Variants in WWOX observed in about 807,000 individuals in gnomAD.
WWOX encodes WW domain-containing oxidoreductase.
In WWOX, 69 loss-of-function variants were observed where a neutral mutation model predicts 46.2. The ratio of observed to expected loss-of-function variants is 1.49; its 90% CI spans 1.23 to 1.82. The LOEUF is 1.82. Ranked by LOEUF, WWOX falls within the 40% of genes most tolerant of loss-of-function variation. WWOX has a pLI of 0.00. For synonymous variants in WWOX, 359 were observed against 202.6 expected, an observed-to-expected ratio of 1.77 and a Z score of -6.56; for missense variants, 919 against 542.6, an observed-to-expected ratio of 1.69 and a Z score of -6.89.
At chr16:78,385,893 G>A (rs569092983) in intron 5 of WWOX, among the ~76,000 whole-genome samples, 2 of 152,130 alleles carry the variant, frequency 1.3e-5, no homozygotes, top group Admixed American at 6.6e-5. Context: ...ATTTAATCTC[G>A]CACTCCGAAG....
chr16:78,766,908 C>G (rs1002401577), intron 8 of WWOX, among the ~76,000 whole-genome samples: 1 of 152,154 alleles, frequency 6.6e-6, no homozygotes, highest in African/African-American at 2.4e-5. Flanking sequence ...ATATTTTCAT[C>G]ACATCTTTTA....
At chr16:79,145,827 A>G (rs1204040973) in intron 8 of WWOX, among the ~76,000 whole-genome samples, 2 of 152,186 alleles carry the variant, frequency 1.3e-5, no homozygotes, top group Non-Finnish European at 2.9e-5. Context: ...ATAGAAAAAA[A>G]CCCCATTCAA....
intron 8 of WWOX, among the ~76,000 whole-genome samples, chr16:78,492,972 C>T (rs781719566): frequency 2.6e-5 from 4 of 152,148 alleles, no homozygotes; most frequent in Non-Finnish European, 4.4e-5. Flanking sequence ...GTAGTCATTA[C>T]TAATCATCTC....
chr16:78,682,784 T>G (rs1375633517), intron 8 of WWOX, among the ~76,000 whole-genome samples: 1 of 152,218 alleles, frequency 6.6e-6, no homozygotes, highest in Non-Finnish European at 1.5e-5. Flanking sequence ...GAGCCAGTAC[T>G]TCTTGCACCA....
At chr16:78,389,898 G>C (rs1178273094) in intron 6 of WWOX, among the ~76,000 whole-genome samples, 1 of 152,044 alleles carries the variant, frequency 6.6e-6, no homozygotes, top group Non-Finnish European at 1.5e-5. Flanking sequence ...TACAGGTGCA[G>C]GTTACCACAC....
chr16:78,444,212 T>C (rs1395539892), intron 8 of WWOX, among the ~76,000 whole-genome samples: 2 of 152,312 alleles, frequency 1.3e-5, no homozygotes, highest in African/African-American at 4.8e-5. Context: ...GGTTTCCTTC[T>C]TTATGTCTTA....
At chr16:78,611,485 G>C (rs1342424159) in intron 8 of WWOX, among the ~76,000 whole-genome samples, 3 of 152,134 alleles carry the variant, frequency 2.0e-5, no homozygotes, top group Admixed American at 2.0e-4. Flanking sequence ...TGCCTCCCTG[G>C]AGGCCTCCCT....
At chr16:78,108,013 C>T (rs2032258299) in intron 1 of WWOX, among the ~76,000 whole-genome samples, 1 of 151,910 alleles carries the variant, frequency 6.6e-6, no homozygotes, top group Non-Finnish European at 1.5e-5. Context: ...ACTGCAACTT[C>T]TGCTTCCCTG....
chr16:79,166,260 C>G (rs2050592487), intron 8 of WWOX, among the ~76,000 whole-genome samples: 1 of 152,224 alleles, frequency 6.6e-6, no homozygotes, highest in South Asian at 2.1e-4. Context: ...TCCCCTCACT[C>G]CCAACTCAGC....
chr16:78,293,629 A>C (rs1452444061), intron 5 of WWOX, among the ~76,000 whole-genome samples: 2 of 152,016 alleles, frequency 1.3e-5, no homozygotes, highest in African/African-American at 4.8e-5. Context: ...TGATCCGGTC[A>C]ATTCTGGTAG....
At chr16:78,479,044 C>T (rs2084424144) in intron 8 of WWOX, among the ~76,000 whole-genome samples, 1 of 152,090 alleles carries the variant, frequency 6.6e-6, no homozygotes, top group Non-Finnish European at 1.5e-5. Context: ...TTTAGATATC[C>T]AGGCTTCCTA....
chr16:79,004,488 A>T (rs1035751713), intron 8 of WWOX: 1 of 152,280 alleles, frequency 6.6e-6, no homozygotes, highest in Non-Finnish European at 1.5e-5. Flanking sequence ...GGCCGTGTCA[A>T]CCAGCTTTGC....
At chr16:78,732,580 G>C (rs1292199472) in intron 8 of WWOX, among the ~76,000 whole-genome samples, 1 of 152,136 alleles carries the variant, frequency 6.6e-6, no homozygotes, top group African/African-American at 2.4e-5. Context: ...TGGGTAATTT[G>C]ATAAAGATGT....
intron 8 of WWOX, among the ~76,000 whole-genome samples, chr16:78,815,998 C>T (rs917988216): frequency 6.6e-6 from 1 of 152,168 alleles, no homozygotes; most frequent in African/African-American, 2.4e-5. Context: ...GGATATTGCT[C>T]AATCACCCTA....
At chr16:78,826,184 G>T (rs950265775) in intron 8 of WWOX, among the ~76,000 whole-genome samples, 1 of 152,286 alleles carries the variant, frequency 6.6e-6, no homozygotes, top group Middle Eastern at 3.4e-3. Context: ...GTGAAACCCT[G>T]TCTCTACTAA....
intron 8 of WWOX, among the ~76,000 whole-genome samples, chr16:78,919,729 C>G (rs2045334399): frequency 1.3e-5 from 2 of 151,996 alleles, no homozygotes; most frequent in African/African-American, 4.8e-5. Context: ...ATTGGCCCAG[C>G]TGGTCTCGAA....
At chr16:78,320,813 A>T (rs1247187330) in intron 5 of WWOX, among the ~76,000 whole-genome samples, 1 of 152,218 alleles carries the variant, frequency 6.6e-6, no homozygotes, top group Non-Finnish European at 1.5e-5. Flanking sequence ...AAACTTTGAC[A>T]TCATCTCATC....
At chr16:78,417,628 C>G (rs564527752) in intron 6 of WWOX, among the ~76,000 whole-genome samples, 8 of 152,154 alleles carry the variant, frequency 5.3e-5, no homozygotes, top group Non-Finnish European at 1.0e-4. Context: ...CCCTCTTCCC[C>G]GCAAGGTTTT....
intron 6 of WWOX, among the ~76,000 whole-genome samples, chr16:78,406,905 C>T (rs190110247): frequency 4.9e-4 from 75 of 152,310 alleles, no homozygotes; most frequent in South Asian, 1.2e-3. Flanking sequence ...GGATTACAGG[C>T]GTCAGCCACT....
Sources: gnomAD v4.1 joint callset for allele counts (sites outside exome capture counted in the v4.1 genomes callset) on GRCh38, gnomAD v4.1.1 for gene constraint, MANE v1.5 for transcripts, NCBI Gene and HGNC (gene_info 2026-07-23, HGNC 2026-07-21) for gene names.